The following STMN3 variants were observed in gnomAD, a reference collection of about 807,000 sequenced individuals.
STMN3 encodes the protein stathmin-3.
Under a neutral mutation model 23.2 loss-of-function variants are expected in STMN3, and 24 were observed. The observed-to-expected ratio is 1.03, with a 90% CI of 0.75 to 1.45. STMN3 has a LOEUF of 1.45. Among genes scored for constraint, STMN3 ranks in the 40% most tolerant of loss-of-function variants. The pLI, the probability that STMN3 is intolerant of heterozygous loss-of-function variation, is 0.00. For missense variants in STMN3, 235 were observed against 237.6 expected (o/e 0.99, Z 0.07); for synonymous variants, 117 against 103.4 (o/e 1.13, Z -0.80).
intron 1 of STMN3, among the ~76,000 whole-genome samples, chr20:63,650,328 C>T (rs944263587): frequency 3.9e-5 from 6 of 152,180 alleles, no homozygotes; most frequent in Non-Finnish European, 8.8e-5. Context: ...CGAGGAAATG[C>T]GGATTGGCCT....
At position 63,647,700 on chromosome 20, in the gene STMN3, A is replaced by T. The variant is rs572583556; in HGVS notation, c.20-3391T>A. Among the ~76,000 whole-genome samples, 98 of 132,616 alleles carry T rather than the reference A, an allele frequency of 7.4e-4. 1 individual carries two copies. The highest frequency in any genetic ancestry group is 2.7e-3 in the African/African-American group (98 of 36,934). The allele number at this position is 132,616 out of a possible 152,430, so 87.0% of individuals were successfully genotyped here. A position where few individuals can be genotyped will look rare whatever the true frequency, so the allele number is the denominator to read the frequency against. On this transcript the variant is annotated intron_variant, in intron 1 of 4. Coordinates refer to ENST00000370053, the MANE Select transcript of STMN3 (RefSeq NM_015894.4). ...GTATATATACACGTGTATATATATA[A>T]TATATATACACGTGTATATATATTA...
chr20:63,652,483 C>A lies in STMN3; in HGVS notation c.19+844G>T, dbSNP rs975341361. ...CCGAGGTCGCCCGGCAGCTCCCCTG[C>A]GTCCAGAATCCGCCCCCCGCCCGGG... On this transcript the variant is annotated intron_variant, in intron 1 of 4. Coordinates refer to ENST00000370053, the MANE Select transcript of STMN3 (RefSeq NM_015894.4). This position sits in a 1 kb window ranked among gnomAD's most constrained non-coding sequence, Gnocchi z 5.3. 58 of 809,006 alleles carry A rather than the reference C, an allele frequency of 7.2e-5. No individual in the cohort carries two copies. The highest frequency in any genetic ancestry group is 1.7e-4 in the African/African-American group (9 of 53,674). 50.1% of individuals were successfully genotyped at this position (809,006 alleles called of 1,614,324 possible). A position where few individuals can be genotyped will look rare whatever the true frequency, so the allele number is the denominator to read the frequency against.
chr20:63,647,832 GTA>G (rs1044928943), intron 1 of STMN3, among the ~76,000 whole-genome samples: 8 of 116,446 alleles, frequency 6.9e-5, no homozygotes, highest in Non-Finnish European at 1.3e-4. Flanking sequence ...ATATATATAC[GTA>G]TATATGTATA....
intron 1 of STMN3, among the ~76,000 whole-genome samples, chr20:63,647,082 C>A (rs1260708432): frequency 1.3e-5 from 2 of 151,498 alleles, no homozygotes; most frequent in African/African-American, 4.9e-5. Flanking sequence ...CTGAGGCAGG[C>A]AGATCACCTG....
chr20:63,647,991 T>TAC (rs1555897557), intron 1 of STMN3, among the ~76,000 whole-genome samples: 4,303 of 75,626 alleles, frequency 0.057, 715 homozygotes, highest in Middle Eastern at 0.093. Flanking sequence ...CATATATATA[T>TAC]ACAGAGAGAG....
intron 4 of STMN3, 50 bp from the exon 5 acceptor site, chr20:63,641,447 A>T: frequency 6.8e-7 from 1 of 1,473,908 alleles, no homozygotes. Context: ...GCTTGGGGCG[A>T]CTCCGGGAAC....
chr20:63,652,773 A>G lies in STMN3; in HGVS notation c.19+554T>C. The G allele has an allele frequency of 1.0e-6, 1 of 985,414 alleles. No homozygotes were observed. The allele number at this position is 985,414 out of a possible 1,614,324, so 61.0% of individuals were successfully genotyped here. On this transcript the variant is annotated intron_variant, in intron 1 of 4. Transcript: ENST00000370053. The surrounding 1 kb of genome is among the most constrained non-coding windows in gnomAD (Gnocchi z 5.3). ...CCCGAGGCCGCAGCGGTGTGGGGGG[A>G]GGGCGCGGTCCCCCTCACTCCGGGC...
rs2089757513 is a variant in STMN3, at chr20:63,641,103, C to T, written c.*235G>A. On this transcript the variant is annotated 3_prime_UTR_variant, in exon 5 of 5. Transcript: ENST00000370053. ...CCCGGGGGACCCAGCCGCGCCCGGC[C>T]TGGTGTCTGCACCGAGGGACCGCGT... 1 of 597,000 alleles carries T rather than the reference C, an allele frequency of 1.7e-6. No homozygotes were observed. Among genetic ancestry groups the T allele is most frequent in the African/African-American group, 1.9e-5 (1 of 54,038 alleles). 37.0% of individuals were successfully genotyped at this position (597,000 alleles called of 1,614,324 possible).
chr20:63,647,936 A>ATATATGTGTGTGTG (rs1165301691), intron 1 of STMN3, among the ~76,000 whole-genome samples: 1 of 80,836 alleles, frequency 1.2e-5, no homozygotes, highest in Non-Finnish European at 2.4e-5. Flanking sequence ...ATACGTATAT[A>ATATATGTGTGTGTG]TGTGTGTGTG....
chr20:63,651,862 G>T (rs1295563839), intron 1 of STMN3, among the ~76,000 whole-genome samples: 1 of 152,146 alleles, frequency 6.6e-6, no homozygotes, highest in African/African-American at 2.4e-5. Flanking sequence ...CCCAGATGCC[G>T]AGATGCCCTC....
chr20:63,645,917 C>T (rs1476694934), intron 1 of STMN3, among the ~76,000 whole-genome samples: 6 of 152,156 alleles, frequency 3.9e-5, no homozygotes, highest in Non-Finnish European at 1.5e-5. Context: ...CGCGCCATCG[C>T]ACTCCAGCCT....
chr20:63,653,359 G>T lies in STMN3; in HGVS notation c.-14C>A. 6.5e-7 allele frequency: 1 copy of T among 1,544,218 alleles called. No individual in the cohort carries two copies. The highest frequency in any genetic ancestry group is 8.7e-7 in the Non-Finnish European group (1 of 1,144,946). On this transcript the variant is annotated 5_prime_UTR_variant, in exon 1 of 5. Coordinates refer to ENST00000370053, the MANE Select transcript of STMN3 (RefSeq NM_015894.4). Reference sequence around the variant, plus strand: ...GGTGCTGGCCATGGTGCTGGCGGCGGTTGGGCCTGCGGAGGCTGGAGAGGC... The same window carrying T: ...GGTGCTGGCCATGGTGCTGGCGGCGTTTGGGCCTGCGGAGGCTGGAGAGGC...
At chr20:63,650,579 A>G (rs1001540286) in intron 1 of STMN3, among the ~76,000 whole-genome samples, 1 of 87,802 alleles carries the variant, frequency 1.1e-5, no homozygotes, top group Non-Finnish European at 2.2e-5. Context: ...GATGGTGCCC[A>G]CTCCCAGGGT....
intron 1 of STMN3, among the ~76,000 whole-genome samples, chr20:63,644,959 T>A (rs1179034322): frequency 6.6e-6 from 1 of 152,186 alleles, no homozygotes; most frequent in East Asian, 1.9e-4. Flanking sequence ...CTGCCCAGAC[T>A]GACAAAGTGG....
rs1293153729 is a variant in STMN3 at position 63,653,390 on chromosome 20, T to G, written c.-45A>C. The G allele has an allele frequency of 8.4e-6, 11 of 1,310,728 alleles. No homozygotes were observed. Among genetic ancestry groups the G allele is most frequent in the African/African-American group, 1.7e-5 (1 of 58,296 alleles). The allele number at this position is 1,310,728 out of a possible 1,614,324, so 81.2% of individuals were successfully genotyped here. On this transcript the variant is annotated 5_prime_UTR_variant, in exon 1 of 5. Coordinates refer to ENST00000370053, the MANE Select transcript of STMN3 (RefSeq NM_015894.4). Reference sequence around the variant, plus strand: ...CCTGCGGAGGCTGGAGAGGCGCAAGTGGCGGCCGGAGCTGCAGACGGCTGG... The same window carrying G: ...CCTGCGGAGGCTGGAGAGGCGCAAGGGGCGGCCGGAGCTGCAGACGGCTGG...
intron 1 of STMN3, among the ~76,000 whole-genome samples, chr20:63,651,420 G>A (rs1294138654): frequency 2.0e-5 from 3 of 152,154 alleles, no homozygotes; most frequent in Admixed American, 1.3e-4. Context: ...TGAGAGGCCA[G>A]GGGACCACAG....
chr20:63,649,003 C>T (rs2089838326), intron 1 of STMN3, among the ~76,000 whole-genome samples: 1 of 152,140 alleles, frequency 6.6e-6, no homozygotes, highest in Admixed American at 6.6e-5. Flanking sequence ...AGACCTCTCA[C>T]AGGTCTTGGC....
At chr20:63,651,656 G>T (rs2089859588) in intron 1 of STMN3, among the ~76,000 whole-genome samples, 1 of 152,210 alleles carries the variant, frequency 6.6e-6, no homozygotes, top group East Asian at 1.9e-4. Context: ...AAGCGGCCAA[G>T]CACCTTTCCT....
intron 1 of STMN3, among the ~76,000 whole-genome samples, chr20:63,646,758 T>A (rs2089812487): frequency 6.6e-6 from 1 of 151,452 alleles, no homozygotes; most frequent in Non-Finnish European, 1.5e-5. Context: ...TGACGGATCC[T>A]GCCATCTTAG....
Sources: allele counts gnomAD v4.1 joint callset (sites outside exome capture counted in the v4.1 genomes callset), GRCh38; gene constraint gnomAD v4.1.1; non-coding constraint Gnocchi (gnomAD v3.1); transcripts MANE v1.5; gene names NCBI Gene and HGNC (gene_info 2026-07-23, HGNC 2026-07-21).